The following GLIS3 variants were observed in gnomAD, a reference collection of about 807,000 sequenced individuals.
GLIS3 encodes the protein zinc finger protein GLIS3.
GLIS3 carries 53 observed loss-of-function variants against 78.6 expected under a neutral mutation model. The ratio of observed to expected loss-of-function variants is 0.67; its 90% CI spans 0.54 to 0.85. GLIS3 has a LOEUF of 0.85. Among genes scored for constraint, GLIS3 ranks in the 40% least tolerant of loss-of-function variants. The pLI, the probability that GLIS3 is intolerant of heterozygous loss-of-function variation, is 0.00. For synonymous variants in GLIS3, 684 were observed against 509.9 expected, an observed-to-expected ratio of 1.34 and a Z score of -4.60; for missense variants, 1,703 against 1,231.1, an observed-to-expected ratio of 1.38 and a Z score of -5.74.
chr9:4,470,222 G>C, the GLIS3 span, among the ~76,000 whole-genome samples: 1 of 152,088 alleles, frequency 6.6e-6, no homozygotes, highest in Non-Finnish European at 1.5e-5. Context: ...CCAATCAATA[G>C]AAAAAGAGGG....
At chr9:3,885,344 A>C (rs1011709218) in intron 7 of GLIS3, among the ~76,000 whole-genome samples, 1 of 152,232 alleles carries the variant, frequency 6.6e-6, no homozygotes, top group East Asian at 1.9e-4. Flanking sequence ...TTTACCGGGC[A>C]GATCTGCAAC....
At chr9:4,223,530 G>A (rs1821508904) in intron 2 of GLIS3, among the ~76,000 whole-genome samples, 1 of 151,676 alleles carries the variant, frequency 6.6e-6, no homozygotes, top group East Asian at 1.9e-4. Flanking sequence ...TAGAACCTGG[G>A]TCCCCTGTTT....
chr9:4,282,782 T>C (rs10974434), intron 2 of GLIS3, among the ~76,000 whole-genome samples: 27,589 of 152,104 alleles, frequency 0.18, 3,096 homozygotes, highest in East Asian at 0.27. Flanking sequence ...TGTAGATATG[T>C]ATCCTATTTG....
intron 8 of GLIS3, among the ~76,000 whole-genome samples, chr9:3,874,444 G>C (rs1821169560): frequency 6.6e-6 from 1 of 152,170 alleles, no homozygotes; most frequent in Non-Finnish European, 1.5e-5. Flanking sequence ...TAATAAACTA[G>C]TAAATGTGTT....
chr9:4,453,407 G>C, the GLIS3 span, among the ~76,000 whole-genome samples: 1 of 150,156 alleles, frequency 6.7e-6, no homozygotes, highest in Non-Finnish European at 1.5e-5. Context: ...TACAGAATGG[G>C]AGGAAATTTT....
chr9:4,357,825 G>A, the GLIS3 span, among the ~76,000 whole-genome samples: 3 of 152,184 alleles, frequency 2.0e-5, no homozygotes, highest in Non-Finnish European at 4.4e-5. Flanking sequence ...CATAGTGTCA[G>A]GAGGCACCAT....
At chr9:4,412,950 G>A in the GLIS3 span, among the ~76,000 whole-genome samples, 1 of 152,182 alleles carries the variant, frequency 6.6e-6, no homozygotes, top group African/African-American at 2.4e-5. Flanking sequence ...GGGTGACCAC[G>A]TGGAGCACAG....
intron 2 of GLIS3, among the ~76,000 whole-genome samples, chr9:4,194,809 C>A (rs1818659584): frequency 6.6e-6 from 1 of 152,198 alleles, no homozygotes; most frequent in African/African-American, 2.4e-5. Context: ...TTTTCCCAAG[C>A]CCTGGAGCTA....
chr9:4,333,722 G>C (rs1817715930), intron 2 of GLIS3, among the ~76,000 whole-genome samples: 1 of 151,692 alleles, frequency 6.6e-6, no homozygotes, highest in Non-Finnish European at 1.5e-5. Context: ...ACGTAATTGT[G>C]AAGCAATGTG....
intron 4 of GLIS3, among the ~76,000 whole-genome samples, chr9:3,954,817 TG>T (rs1338574587): frequency 6.6e-6 from 1 of 152,156 alleles, no homozygotes; most frequent in Non-Finnish European, 1.5e-5. Flanking sequence ...CCCGCTGGGA[TG>T]GGTAATGAGA....
At chr9:4,419,761 C>G in the GLIS3 span, among the ~76,000 whole-genome samples, 1 of 152,078 alleles carries the variant, frequency 6.6e-6, no homozygotes, top group African/African-American at 2.4e-5. Context: ...GCCTGGGAGA[C>G]AGAATGAGGC....
chr9:4,166,782 T>C lies in GLIS3; in HGVS notation c.389-40841A>G, dbSNP rs184677548. On this transcript the variant is annotated intron_variant, in intron 2 of 10. Transcript: ENST00000381971. Reference sequence around the variant, plus strand: ...TCTTCAGTCTCATGTGTTCTCAGCATGAAACAGAGGACTCAAGAATCACCT... The same window carrying C: ...TCTTCAGTCTCATGTGTTCTCAGCACGAAACAGAGGACTCAAGAATCACCT... Among the ~76,000 whole-genome samples, 6 of 152,342 alleles carry C rather than the reference T, an allele frequency of 3.9e-5. No individual in the cohort carries two copies. In the East Asian group the frequency reaches 1.2e-3, roughly 29 times the overall value.
chr9:3,934,035 G>C (rs1274735791), intron 5 of GLIS3, among the ~76,000 whole-genome samples: 1 of 152,160 alleles, frequency 6.6e-6, no homozygotes, highest in Non-Finnish European at 1.5e-5. Context: ...TTCAGACTAG[G>C]GATCTAAAAG....
chr9:4,413,910 T>C, the GLIS3 span, among the ~76,000 whole-genome samples: 1 of 152,190 alleles, frequency 6.6e-6, no homozygotes, highest in African/African-American at 2.4e-5. Flanking sequence ...ATGGCTTAAC[T>C]TCACCAGCTT....
At chr9:4,219,479 G>A (rs1821133412) in intron 2 of GLIS3, among the ~76,000 whole-genome samples, 2 of 152,076 alleles carry the variant, frequency 1.3e-5, no homozygotes, top group Non-Finnish European at 2.9e-5. Flanking sequence ...TGCACATCAG[G>A]ATACAAAAAG....
At chr9:3,912,030 T>TA (rs2130686819) in intron 6 of GLIS3, among the ~76,000 whole-genome samples, 1 of 152,278 alleles carries the variant, frequency 6.6e-6, no homozygotes, top group South Asian at 2.1e-4. Flanking sequence ...TACAGGTTCA[T>TA]ATCTCAGCTC....
At chr9:4,465,477 A>G in the GLIS3 span, among the ~76,000 whole-genome samples, 3 of 152,244 alleles carry the variant, frequency 2.0e-5, no homozygotes, top group Admixed American at 2.0e-4. Context: ...TGAACCCGGA[A>G]GACAGAGGCT....
At chr9:4,479,235 T>G in the GLIS3 span, among the ~76,000 whole-genome samples, 1 of 152,074 alleles carries the variant, frequency 6.6e-6, no homozygotes, top group African/African-American at 2.4e-5. Flanking sequence ...CTCAACCTAG[T>G]CCCTTTAACA....
the GLIS3 span, among the ~76,000 whole-genome samples, chr9:4,381,718 A>G: frequency 6.6e-6 from 1 of 152,034 alleles, no homozygotes; most frequent in African/African-American, 2.4e-5. Flanking sequence ...ACCTTATTCC[A>G]TCCTGTCTGT....
Sources: gnomAD v4.1 joint callset for allele counts (sites outside exome capture counted in the v4.1 genomes callset) on GRCh38, gnomAD v4.1.1 for gene constraint, MANE v1.5 for transcripts, NCBI Gene and HGNC (gene_info 2026-07-23, HGNC 2026-07-21) for gene names.